The following SGCZ variants were observed in gnomAD, a reference collection of about 807,000 sequenced individuals.
SGCZ encodes zeta-sarcoglycan.
In SGCZ, 40 loss-of-function variants were observed where a neutral mutation model predicts 41.3. That is an observed-to-expected ratio of 0.97 (90% confidence interval 0.75 to 1.26). The LOEUF (loss-of-function observed/expected upper bound fraction) is 1.26, where lower values mean the gene tolerates loss of function less well. Ranked by LOEUF, SGCZ falls within the 50% of genes most tolerant of loss-of-function variation. The probability of loss-of-function intolerance (pLI) is 0.00; values close to 1 mark genes in which losing one functional copy is unlikely to be tolerated. For synonymous variants in SGCZ, 206 were observed against 137.5 expected (o/e 1.50, Z -3.49); for missense variants, 552 against 369.8 (o/e 1.49, Z -4.04).
chr8:14,771,973 T>A (rs780850138), intron 1 of SGCZ, among the ~76,000 whole-genome samples: 43 of 152,152 alleles, frequency 2.8e-4, no homozygotes, highest in Non-Finnish European at 4.7e-4. Flanking sequence ...CAGTCCCAAA[T>A]TTACAATGGT....
At chr8:14,770,766 G>C (rs1340890758) in intron 1 of SGCZ, among the ~76,000 whole-genome samples, 1 of 151,982 alleles carries the variant, frequency 6.6e-6, no homozygotes. Context: ...CTGTGATTGA[G>C]ACAAACACAT....
chr8:14,572,576 A>C (rs1235158322), intron 1 of SGCZ, among the ~76,000 whole-genome samples: 1 of 152,170 alleles, frequency 6.6e-6, no homozygotes, highest in African/African-American at 2.4e-5. Context: ...GAATTTTTGC[A>C]AGAACTAGCA....
At chr8:14,850,183 A>C (rs1026958167) in intron 1 of SGCZ, among the ~76,000 whole-genome samples, 1 of 152,202 alleles carries the variant, frequency 6.6e-6, no homozygotes, top group Admixed American at 6.5e-5. Context: ...TCAGTGTTAA[A>C]TTTCATTACA....
rs1234255152 is a variant in SGCZ, at chr8:14,351,139, A to G, written c.235-26935T>C. On this transcript the variant is annotated intron_variant, in intron 2 of 7. Transcript: ENST00000382080. ...TTAATGCTGTTACTCTGAAACCCAG[A>G]AAGTCTACCTATGAAAATAAAAGTA... 2.6e-5 allele frequency among the ~76,000 whole-genome samples: 4 copies of G among 152,140 alleles called. No individual in the cohort carries two copies. The East Asian group carries it at 5.8e-4, about 22-fold the overall frequency.
At chr8:15,032,866 A>G (rs543307232) in intron 1 of SGCZ, among the ~76,000 whole-genome samples, 1 of 152,154 alleles carries the variant, frequency 6.6e-6, no homozygotes, top group East Asian at 1.9e-4. Context: ...CTCAAAGCCT[A>G]CTCAGTTCCA....
intron 1 of SGCZ, among the ~76,000 whole-genome samples, chr8:15,172,429 G>T (rs1462526995): frequency 6.6e-6 from 1 of 151,616 alleles, no homozygotes; most frequent in East Asian, 1.9e-4. Flanking sequence ...CAAAGTGCTG[G>T]GTCTATTTTT....
At position 14,240,194 on chromosome 8, in the gene SGCZ, G is replaced by A. The variant is rs112948702; in HGVS notation, c.337-2515C>T. ...ATACGAAAAATTAGCCAGGCATGGT[G>A]GTGGGCTCTTGTAATCCCAGCTACT... On this transcript the variant is annotated intron_variant, in intron 3 of 7. Coordinates refer to ENST00000382080, the MANE Select transcript of SGCZ (RefSeq NM_139167.4). 1.6e-3 allele frequency among the ~76,000 whole-genome samples: 240 copies of A among 151,602 alleles called. 2 individuals carry two copies. Among genetic ancestry groups the A allele is most frequent in the African/African-American group, 5.6e-3 (232 of 41,342 alleles).
intron 1 of SGCZ, among the ~76,000 whole-genome samples, chr8:14,566,952 CG>C (rs1261785049): frequency 1.3e-5 from 2 of 152,198 alleles, no homozygotes; most frequent in Non-Finnish European, 2.9e-5. Context: ...CTGGCCCCAC[CG>C]GCCCCGGGCA....
chr8:14,748,954 C>A (rs941371917), intron 1 of SGCZ, among the ~76,000 whole-genome samples: 1 of 151,976 alleles, frequency 6.6e-6, no homozygotes, highest in Admixed American at 6.6e-5. Context: ...AGGAAATATA[C>A]ATATTTATAA....
chr8:14,732,321 G>A (rs1201736198), intron 1 of SGCZ, among the ~76,000 whole-genome samples: 1 of 152,094 alleles, frequency 6.6e-6, no homozygotes, highest in Non-Finnish European at 1.5e-5. Flanking sequence ...TAATATCTGG[G>A]TGTGGACTCT....
chr8:14,493,811 C>T (rs902040655), intron 2 of SGCZ, among the ~76,000 whole-genome samples: 5 of 152,000 alleles, frequency 3.3e-5, no homozygotes, highest in African/African-American at 9.7e-5. Context: ...TAACTTTCCT[C>T]CGTAGTGGGA....
chr8:14,961,464 C>T (rs1021712249), intron 1 of SGCZ, among the ~76,000 whole-genome samples: 1 of 152,004 alleles, frequency 6.6e-6, no homozygotes, highest in Non-Finnish European at 1.5e-5. Context: ...TGGTACCATA[C>T]AATAAGGTAT....
At chr8:14,475,977 A>T (rs1168445643) in intron 2 of SGCZ, among the ~76,000 whole-genome samples, 8 of 143,250 alleles carry the variant, frequency 5.6e-5, no homozygotes, top group South Asian at 2.2e-4. Flanking sequence ...ATGCCTAGCT[A>T]TTTTTTTTTT....
At chr8:14,248,550 T>C (rs1348094552) in intron 3 of SGCZ, among the ~76,000 whole-genome samples, 2 of 152,056 alleles carry the variant, frequency 1.3e-5, no homozygotes, top group Non-Finnish European at 1.5e-5. Context: ...AAGAAGACTC[T>C]GTATTCTAAA....
intron 1 of SGCZ, among the ~76,000 whole-genome samples, chr8:14,645,586 G>A (rs938787606): frequency 2.7e-5 from 4 of 149,466 alleles, no homozygotes; most frequent in Admixed American, 6.7e-5. Flanking sequence ...TGGTATCCTC[G>A]AAGCTTGGAT....
chr8:14,821,214 C>A (rs1453259087), intron 1 of SGCZ, among the ~76,000 whole-genome samples: 2 of 151,862 alleles, frequency 1.3e-5, no homozygotes, highest in Non-Finnish European at 2.9e-5. Flanking sequence ...AATTTGATAG[C>A]ACAGAAGAAT....
At chr8:14,171,330 G>T (rs78648331) in intron 4 of SGCZ, among the ~76,000 whole-genome samples, 375 of 151,958 alleles carry the variant, frequency 2.5e-3, no homozygotes, top group Non-Finnish European at 2.4e-3. Context: ...CTTAAAAAGA[G>T]ATCTTCATGT....
intron 1 of SGCZ, among the ~76,000 whole-genome samples, chr8:14,615,991 G>T (rs4831619): frequency 1.3e-5 from 2 of 151,898 alleles, no homozygotes; most frequent in Non-Finnish European, 2.9e-5. Context: ...ATTGTAGTAT[G>T]GAAAACCCTG....
chr8:14,517,474 A>G (rs1157782857), intron 2 of SGCZ, among the ~76,000 whole-genome samples: 1 of 152,108 alleles, frequency 6.6e-6, no homozygotes, highest in Non-Finnish European at 1.5e-5. Context: ...ATTTGATCGT[A>G]AGGTAGAGTC....
Sources: allele counts gnomAD v4.1 joint callset (sites outside exome capture counted in the v4.1 genomes callset), GRCh38; gene constraint gnomAD v4.1.1; transcripts MANE v1.5; gene names NCBI Gene and HGNC (gene_info 2026-07-23, HGNC 2026-07-21).